Variants in HSPG2 observed in about 807,000 individuals in gnomAD.
HSPG2 encodes the protein basement membrane-specific heparan sulfate proteoglycan core protein.
A neutral mutation model predicts 526.6 loss-of-function variants in HSPG2; 278 were observed. The ratio of observed to expected loss-of-function variants is 0.53; its 90% confidence interval spans 0.48 to 0.58. The LOEUF (loss-of-function observed/expected upper bound fraction) is 0.58, where lower values mean the gene tolerates loss of function less well. Ranked by LOEUF, HSPG2 falls within the 20% of genes least tolerant of loss-of-function variation. HSPG2 has a pLI of 0.00. For synonymous variants in HSPG2, 2,465 were observed against 2,555.4 expected (o/e 0.96, Z 1.07); for missense variants, 5,354 against 6,099.5 (o/e 0.88, Z 4.07).
At position 21,844,117 on chromosome 1, in the gene HSPG2, G is replaced by A. The variant is rs770136303; in HGVS notation, c.8616+31C>T. 3.1e-6 allele frequency: 5 copies of A among 1,611,084 alleles called. No homozygotes were observed. In the South Asian group the frequency reaches 5.5e-5, roughly 18 times the overall value. On this transcript the variant is annotated intron_variant, in intron 65 of 96. Transcript: ENST00000374695. ...CAGGCAGGACCACTGCAGGTGTGGA[G>A]GATGCATGCATCCTTCTCCAGCTCC...
At chr1:21,868,521 C>T (rs1235573559) in intron 33 of HSPG2, among the ~76,000 whole-genome samples, 8 of 152,142 alleles carry the variant, frequency 5.3e-5, no homozygotes, top group Admixed American at 5.2e-4. Flanking sequence ...CTGTACACGA[C>T]GCAGCACACA....
intron 49 of HSPG2, 124 bp downstream of exon 49, chr1:21,854,487 G>T: frequency 6.9e-7 from 1 of 1,450,522 alleles, no homozygotes; most frequent in Non-Finnish European, 9.3e-7. Flanking sequence ...GGGAGATGAG[G>T]CCTGGCTTCT....
At chr1:21,925,246 G>A (rs1194699278) in intron 1 of HSPG2, among the ~76,000 whole-genome samples, 1 of 152,232 alleles carries the variant, frequency 6.6e-6, no homozygotes, top group Non-Finnish European at 1.5e-5. Context: ...GGCAGCACTA[G>A]CTGAATATGT....
At chr1:21,900,589 G>C (rs1225378372) in intron 1 of HSPG2, among the ~76,000 whole-genome samples, 2 of 152,162 alleles carry the variant, frequency 1.3e-5, no homozygotes, top group African/African-American at 4.8e-5. Flanking sequence ...TAAGAACGGA[G>C]GAGAAAACTA....
In HSPG2 at chr1:21,848,129, G is replaced by A; in HGVS notation, c.7738-36C>T. 4.5e-6 allele frequency: 7 copies of A among 1,552,982 alleles called. No homozygotes were observed. Among genetic ancestry groups the A allele is most frequent in the Non-Finnish European group, 6.1e-6 (7 of 1,150,582 alleles). On this transcript the variant is annotated intron_variant, in intron 59 of 96. Transcript: ENST00000374695. The surrounding 1 kb of genome is among the most constrained non-coding windows in gnomAD (Gnocchi z 4.9). ...CAGATGGCAGGAGGTATGGCAGTAG[G>A]TGTGGGCAGCTCCTCCACATCTTGG...
intron 71 of HSPG2, among the ~76,000 whole-genome samples, chr1:21,840,547 C>T (rs906028964): frequency 7.2e-5 from 11 of 152,050 alleles, no homozygotes; most frequent in Non-Finnish European, 1.3e-4. Context: ...ACCTTGTGAT[C>T]CGCCCGCCTC....
At chr1:21,837,095 C>A (rs2098029465) in intron 74 of HSPG2, 89 bp from the exon 75 acceptor site, 1 of 1,217,856 alleles carries the variant, frequency 8.2e-7, no homozygotes, top group East Asian at 2.5e-5. Flanking sequence ...CCCAGCCCAA[C>A]ATTCAAGGAA....
intron 81 of HSPG2, among the ~76,000 whole-genome samples, chr1:21,832,217 C>T (rs2098007397): frequency 1.3e-5 from 2 of 152,290 alleles, no homozygotes; most frequent in East Asian, 1.9e-4. Flanking sequence ...GTGCCTGGCA[C>T]ACATGGGGTG....
In HSPG2 at chr1:21,841,085, G is replaced by A. The variant is rs1572187444; in HGVS notation, c.9513+16C>T. 3 of 1,581,810 alleles carry A rather than the reference G, an allele frequency of 1.9e-6. No individual in the cohort carries two copies. The highest frequency in any genetic ancestry group is 3.7e-5 in the Admixed American group (2 of 54,598). Reference sequence around the variant, plus strand: ...TGGACTGGGCCTCAGACCCAGAGAGGCAGCCCCGGCTTCACCTGCAGCACC... The same window carrying A: ...TGGACTGGGCCTCAGACCCAGAGAGACAGCCCCGGCTTCACCTGCAGCACC... On this transcript the variant is annotated intron_variant, in intron 71 of 96. Transcript: ENST00000374695.
In HSPG2 at chr1:21,831,810, C is replaced by T. The variant is rs1332345282; in HGVS notation, c.11208-14G>A. ...CCTGCATCGAACCTGCTCCGTGGGG[C>T]AGGCCGGGGCAGGAGAGAGTGGATA... On this transcript the variant is annotated splice_polypyrimidine_tract_variant and intron_variant, in intron 81 of 96. Coordinates refer to ENST00000374695, the MANE Select transcript of HSPG2 (RefSeq NM_005529.7). 5 of 1,588,040 alleles carry T rather than the reference C, an allele frequency of 3.1e-6. No individual in the cohort carries two copies. The highest frequency in any genetic ancestry group is 3.4e-6 in the Non-Finnish European group (4 of 1,163,630).
chr1:21,866,124 T>A (rs1420917640), intron 33 of HSPG2, among the ~76,000 whole-genome samples: 2 of 152,162 alleles, frequency 1.3e-5, no homozygotes, highest in South Asian at 2.1e-4. Flanking sequence ...GAATTTCCCA[T>A]AAGGCAGACA....
At chr1:21,925,806 G>C (rs1449019222) in intron 1 of HSPG2, among the ~76,000 whole-genome samples, 1 of 152,018 alleles carries the variant, frequency 6.6e-6, no homozygotes, top group African/African-American at 2.4e-5. Flanking sequence ...GACAACCTGG[G>C]CTCCATTCCC....
chr1:21,894,815 T>G (rs1642631811), intron 3 of HSPG2, among the ~76,000 whole-genome samples: 1 of 152,292 alleles, frequency 6.6e-6, no homozygotes, highest in Non-Finnish European at 1.5e-5. Context: ...GTGCCATGTG[T>G]GCCTGGGGCC....
intron 1 of HSPG2, among the ~76,000 whole-genome samples, chr1:21,932,449 G>C (rs1212433042): frequency 6.6e-6 from 1 of 152,166 alleles, no homozygotes; most frequent in Non-Finnish European, 1.5e-5. Flanking sequence ...TAAAACATTC[G>C]ACAAAGATAT....
In HSPG2 at chr1:21,895,944, C is replaced by T. The variant is rs147663400; in HGVS notation, c.222G>A (p.Leu74=). Reference sequence around the variant, plus strand: ...TACCCATCTGGAAGTCCCCGCTGCCCAGGTCCCCACTGCCCAGGTCGTCTA... The same window carrying T: ...TACCCATCTGGAAGTCCCCGCTGCCTAGGTCCCCACTGCCCAGGTCGTCTA... ...ISGDDLGSGD[L]GSGDFQMVYF... The change falls in exon 3 of 97, where the codon CTG becomes CTA. Residue 74 remains leucine, a synonymous_variant. Transcript: ENST00000374695. This position sits in a 1 kb window ranked among gnomAD's most constrained non-coding sequence, Gnocchi z 4.1. The T allele has an allele frequency of 1.2e-6, 2 of 1,613,964 alleles. No homozygotes were observed. Among genetic ancestry groups the T allele is most frequent in the African/African-American group, 2.7e-5 (2 of 74,908 alleles).
rs762756774 is a variant in HSPG2 at position 21,880,190 on chromosome 1, C to T, written c.2260G>A (p.Gly754Ser). 59 of 1,614,066 alleles carry T rather than the reference C, an allele frequency of 3.7e-5. No homozygotes were observed. The highest frequency in any genetic ancestry group is 1.7e-4 in the Admixed American group (10 of 60,014). Reference protein sequence around the residue: ...SCDAHFTRVPGGPYLGTCSGC... With the variant: ...SCDAHFTRVPSGPYLGTCSGC... The stretch of plus-strand genomic sequence containing the variant: ...GAGCAGGTGCCCAGGTAGGGCCCAC[C>T]AGGCACCCGAGTGAAGTGGGCATCA... Residue 754 changes from glycine (G) to serine (S), a missense_variant, in exon 17 of 97, where the codon GGT (glycine) becomes AGT (serine). Gly to Ser is a moderately conservative substitution (Grantham distance 56). Transcript: ENST00000374695.
rs149012894 is a variant in HSPG2, at chr1:21,925,080, G to A, written c.63+12075C>T. Among the ~76,000 whole-genome samples, 45 of 152,334 alleles carry A rather than the reference G, an allele frequency of 3.0e-4. 2 individuals are homozygous for A. The South Asian group carries it at 8.9e-3, about 30-fold the overall frequency. On this transcript the variant is annotated intron_variant, in intron 1 of 96. Transcript: ENST00000374695. Reference sequence around the variant, plus strand: ...AATTTCTTCCAGGAGGTCTGGTGACGCTGAAGGCAGCCTCTACCTTCCTCT... The same window carrying A: ...AATTTCTTCCAGGAGGTCTGGTGACACTGAAGGCAGCCTCTACCTTCCTCT...
At position 21,854,534 on chromosome 1, in the gene HSPG2, C is replaced by T. The variant is rs187406964; in HGVS notation, c.6288+77G>A. 153 of 1,486,764 alleles carry T rather than the reference C, an allele frequency of 1.0e-4. 1 individual carries two copies. In the African/African-American group the frequency reaches 1.1e-3, roughly 10 times the overall value. The allele number at this position is 1,486,764 out of a possible 1,614,324, so 92.1% of individuals were successfully genotyped here. ...GTGTGGGGCAGTGTGCCGCCTCCCCCGCCCAGCGTACAGGCCCCGCCTCCG... is the reference window on the plus strand; with the variant it reads ...GTGTGGGGCAGTGTGCCGCCTCCCCTGCCCAGCGTACAGGCCCCGCCTCCG... On this transcript the variant is annotated intron_variant, in intron 49 of 96. Coordinates refer to ENST00000374695, the MANE Select transcript of HSPG2 (RefSeq NM_005529.7).
chr1:21,836,723 G>T (rs1368625448), intron 75 of HSPG2, 79 bp downstream of exon 75: 1 of 1,265,504 alleles, frequency 7.9e-7, no homozygotes, highest in Non-Finnish European at 1.1e-6. Context: ...GCGCCCCCTG[G>T]GGCAGGTGCT....
Sources: allele counts gnomAD v4.1 joint callset (sites outside exome capture counted in the v4.1 genomes callset), GRCh38; gene constraint gnomAD v4.1.1; non-coding constraint Gnocchi (gnomAD v3.1); transcripts MANE v1.5; gene names NCBI Gene and HGNC (gene_info 2026-07-23, HGNC 2026-07-21).